The following SI variants were observed in gnomAD, a reference collection of about 807,000 sequenced individuals.
The protein encoded by SI is sucrase-isomaltase, intestinal.
In SI, 235 loss-of-function variants were observed where a neutral mutation model predicts 253.3. The observed-to-expected ratio is 0.93, with a 90% CI of 0.83 to 1.03. The LOEUF is 1.03. Among genes scored for constraint, SI ranks in the 50% least tolerant of loss-of-function variants. SI has a pLI of 0.00. For missense variants in SI, 2,442 were observed against 2,211.1 expected (o/e 1.10, Z -2.09); for synonymous variants, 819 against 712.0 (o/e 1.15, Z -2.39).
chr3:164,994,428 A>G, intron 40 of SI, 23 bp from the exon 41 acceptor site: 1 of 1,608,006 alleles, frequency 6.2e-7, no homozygotes, highest in Non-Finnish European at 8.5e-7. Context: ...AAAATAACAT[A>G]GTTATAAGCT....
intron 43 of SI, among the ~76,000 whole-genome samples, chr3:164,991,940 T>A (rs1003582281): frequency 1.3e-5 from 2 of 152,114 alleles, no homozygotes; most frequent in Non-Finnish European, 2.9e-5. Context: ...ATGTAATGTG[T>A]AGTTACCATG....
chr3:165,070,313 ATATAT>A (rs1335433591), intron 3 of SI, among the ~76,000 whole-genome samples: 231 of 143,118 alleles, frequency 1.6e-3, no homozygotes, highest in African/African-American at 5.3e-3. Context: ...GTATATATAC[ATATAT>A]TATATATATA....
At position 165,032,616 on chromosome 3, in the gene SI, A is replaced by G. The variant is rs1712310548; in HGVS notation, c.2642T>C (p.Leu881Pro). Residue 881 changes from leucine (L) to proline (P), a missense_variant, in exon 24 of 48, where the codon CTT (leucine) becomes CCT (proline). By Grantham distance (98) the Leu-to-Pro change is moderately conservative. Coordinates refer to ENST00000264382, the MANE Select transcript of SI (RefSeq NM_001041.4). ...TTCTGTAACACTGTCTGTCAACCCA[A>G]GGATTTTTACAGTCTGAAATGCTAA... ...TTLAFQTVKI[L>P]GLTDSVTEVR... 6.2e-7 allele frequency: 1 copy of G among 1,608,910 alleles called. No homozygotes were observed. The highest frequency in any genetic ancestry group is 1.3e-5 in the African/African-American group (1 of 74,632).
At chr3:165,084,831 G>A in the SI span, among the ~76,000 whole-genome samples, 1 of 151,974 alleles carries the variant, frequency 6.6e-6, no homozygotes, top group Non-Finnish European at 1.5e-5. Context: ...CTCTGTAACG[G>A]TTATTAACTT....
chr3:165,046,752 T>C, intron 16 of SI, 89 bp downstream of exon 16: 1 of 1,110,272 alleles, frequency 9.0e-7, no homozygotes, highest in South Asian at 1.4e-5. Context: ...AACATGCCTT[T>C]TGATCATTTT....
In SI at chr3:165,049,791, C is replaced by T; in HGVS notation, c.1597G>A (p.Asp533Asn). 3.9e-6 allele frequency: 6 copies of T among 1,552,332 alleles called. No homozygotes were observed. Among genetic ancestry groups the T allele is most frequent in the Non-Finnish European group, 5.3e-6 (6 of 1,125,916 alleles). ...NKLNYPPFTP[D>N]ILDKLMYSKT... Reference sequence around the variant, plus strand: ...AATTAGATAACCAAATAAATTTTACCAGGAGTAAACGGTGGATAATTCAAT... The same window carrying T: ...AATTAGATAACCAAATAAATTTTACTAGGAGTAAACGGTGGATAATTCAAT... Residue 533 changes from aspartate to asparagine, a missense_variant and splice_region_variant, in exon 14 of 48, where the codon GAT becomes AAT. By Grantham distance (23) the Asp-to-Asn change is conservative (BLOSUM62 1). Coordinates refer to ENST00000264382, the MANE Select transcript of SI (RefSeq NM_001041.4).
chr3:165,011,756 GTTA>G (rs894399312), intron 34 of SI, among the ~76,000 whole-genome samples: 12 of 147,264 alleles, frequency 8.1e-5, no homozygotes, highest in African/African-American at 1.7e-4. Context: ...ATTCATTATT[GTTA>G]TTATTTATTT....
intron 45 of SI, among the ~76,000 whole-genome samples, chr3:164,986,227 C>T (rs1038802812): frequency 3.9e-5 from 6 of 152,106 alleles, no homozygotes; most frequent in Admixed American, 6.6e-5. Flanking sequence ...CTTCTCCTGC[C>T]CTCCTGTCTC....
At chr3:165,070,802 G>T (rs1714522898) in intron 3 of SI, among the ~76,000 whole-genome samples, 1 of 152,020 alleles carries the variant, frequency 6.6e-6, no homozygotes, top group Admixed American at 6.6e-5. Flanking sequence ...CCATGGAAAA[G>T]GTGACTTAAA....
intron 28 of SI, among the ~76,000 whole-genome samples, chr3:165,018,591 T>G (rs923007880): frequency 2.0e-5 from 3 of 150,858 alleles, no homozygotes; most frequent in Non-Finnish European, 4.4e-5. Context: ...AATTCATTGT[T>G]TCATACTGTA....
chr3:165,000,894 G>A (rs893541134), intron 37 of SI, among the ~76,000 whole-genome samples: 3 of 151,034 alleles, frequency 2.0e-5, no homozygotes. Flanking sequence ...TTTGTTGTGT[G>A]TTTATTATTG....
chr3:165,001,464 G>T (rs1214326991), intron 37 of SI, among the ~76,000 whole-genome samples: 1 of 151,376 alleles, frequency 6.6e-6, no homozygotes, highest in Non-Finnish European at 1.5e-5. Context: ...TTTGAAATTG[G>T]ATAAGTATTT....
At chr3:165,015,563 C>T (rs930954155) in intron 32 of SI, among the ~76,000 whole-genome samples, 1 of 152,012 alleles carries the variant, frequency 6.6e-6, no homozygotes, top group African/African-American at 2.4e-5. Context: ...CACTGAATCA[C>T]CAATCTGAAG....
intron 17 of SI, among the ~76,000 whole-genome samples, chr3:165,042,064 C>G (rs1374614369): frequency 6.6e-6 from 1 of 151,862 alleles, no homozygotes; most frequent in Non-Finnish European, 1.5e-5. Context: ...TGCAGGCTCT[C>G]CTCATTTTCT....
the SI span, among the ~76,000 whole-genome samples, chr3:165,083,630 T>C: frequency 2.6e-5 from 4 of 152,014 alleles, no homozygotes; most frequent in Admixed American, 2.6e-4. Flanking sequence ...TAATAACATA[T>C]GACAAGATAT....
chr3:165,078,836 T>C (rs1263332232), upstream of SI, among the ~76,000 whole-genome samples: 1 of 151,504 alleles, frequency 6.6e-6, no homozygotes, highest in African/African-American at 2.4e-5. Flanking sequence ...AGATCCTCAC[T>C]GGAGAGTAGA....
chr3:165,066,226 A>AGAGGG (rs1714240248), intron 6 of SI, among the ~76,000 whole-genome samples: 1 of 152,014 alleles, frequency 6.6e-6, no homozygotes, highest in African/African-American at 2.4e-5. Flanking sequence ...AGATGTGCAT[A>AGAGGG]GTTTATATGC....
chr3:165,006,898 G>C lies in SI; in HGVS notation c.4324C>G (p.Gln1442Glu). 1 of 1,611,564 alleles carries C rather than the reference G, an allele frequency of 6.2e-7. No homozygotes were observed. The highest frequency in any genetic ancestry group is 1.1e-5 in the South Asian group (1 of 91,026). ...HFRTICMEAE[Q>E]ILSDGTSVLH... ...ACTGATGTTCCATCACTAAGAATCT[G>C]CTCAGCTTCCATGCAAATTGTTCTG... is the stretch of plus-strand genomic sequence containing the variant. Residue 1442 changes from glutamine to glutamate, a missense_variant, in exon 37 of 48, where the codon CAG becomes GAG. Coordinates refer to ENST00000264382, the MANE Select transcript of SI (RefSeq NM_001041.4).
chr3:165,012,599 T>C (rs958300877), intron 34 of SI, among the ~76,000 whole-genome samples: 53 of 152,050 alleles, frequency 3.5e-4, no homozygotes, highest in Non-Finnish European at 5.7e-4. Flanking sequence ...TGGTTATTTT[T>C]TTTTGTATTT....
Sources: allele counts gnomAD v4.1 joint callset (sites outside exome capture counted in the v4.1 genomes callset), GRCh38; gene constraint gnomAD v4.1.1; transcripts MANE v1.5; gene names NCBI Gene and HGNC (gene_info 2026-07-23, HGNC 2026-07-21).